OTUD7A: variants seen among roughly 807,000 people sequenced by gnomAD.
OTUD7A encodes the protein OTU deubiquitinase 7A.
A neutral mutation model predicts 65.7 loss-of-function variants in OTUD7A; 12 were observed. That is an observed-to-expected ratio of 0.18 (90% CI 0.12 to 0.30). OTUD7A has a LOEUF of 0.30. OTUD7A is among the 10% of genes least tolerant of loss of function. OTUD7A has a pLI of 1.00. For missense variants in OTUD7A, 1,148 were observed against 1,304.8 expected (o/e 0.88, Z 1.85); for synonymous variants, 641 against 586.3 (o/e 1.09, Z -1.35).
rs537632668 is a variant in OTUD7A, at chr15:31,679,021, G to T, written c.-99-21944C>A. ...TGCCCAAGGCTGTAGGAGCTCACCT[G>T]TTCCATCAGCATGACCTGGATGTGA... On this transcript the variant is annotated intron_variant, in intron 1 of 12. Transcript: ENST00000307050. Among the ~76,000 whole-genome samples, 4 of 152,362 alleles carry T rather than the reference G, an allele frequency of 2.6e-5. No homozygotes were observed. In the East Asian group the frequency reaches 7.7e-4, roughly 29 times the overall value.
intron 3 of OTUD7A, among the ~76,000 whole-genome samples, chr15:31,576,241 A>G (rs1244034038): frequency 6.6e-6 from 1 of 152,172 alleles, no homozygotes; most frequent in Non-Finnish European, 1.5e-5. Context: ...GGCAATGTAA[A>G]TTGATAGCTT....
chr15:31,617,914 G>T (rs990435129), intron 3 of OTUD7A, among the ~76,000 whole-genome samples: 2 of 151,900 alleles, frequency 1.3e-5, no homozygotes, highest in African/African-American at 4.8e-5. Context: ...ATCTCCTAAT[G>T]CTATCCCTGC....
At chr15:31,764,392 T>C (rs1358253747) in intron 1 of OTUD7A, among the ~76,000 whole-genome samples, 2 of 152,080 alleles carry the variant, frequency 1.3e-5, no homozygotes, top group African/African-American at 2.4e-5. Flanking sequence ...CATTGAGAAA[T>C]GAGAATAGTC....
chr15:31,686,215 CCT>C lies in OTUD7A; in HGVS notation c.-99-29140_-99-29139del, dbSNP rs530380106. Among the ~76,000 whole-genome samples the C allele has an allele frequency of 2.3e-4, 35 of 152,346 alleles. No individual in the cohort carries two copies. In the East Asian group the frequency reaches 4.6e-3, roughly 20 times the overall value. On this transcript the variant is annotated intron_variant, in intron 1 of 12. Coordinates refer to ENST00000307050, the MANE Select transcript of OTUD7A (RefSeq NM_001382637.1). ...TGTGGAGAAGGAGGGGTCCTTTTCC[CCT>C]GAGTGTGGCCAAGCACCTGCAAGCC...
chr15:31,694,474 A>T (rs549369070), intron 1 of OTUD7A, among the ~76,000 whole-genome samples: 2,082 of 152,070 alleles, frequency 0.014, 53 homozygotes, highest in African/African-American at 0.049. Context: ...AGTTTACTTT[A>T]TTATTATCTA....
At chr15:31,570,827 G>A (rs921972714) in intron 3 of OTUD7A, among the ~76,000 whole-genome samples, 5 of 152,056 alleles carry the variant, frequency 3.3e-5, no homozygotes, top group Admixed American at 2.0e-4. Flanking sequence ...CTGGCACTTC[G>A]CAGCACTAGG....
intron 3 of OTUD7A, among the ~76,000 whole-genome samples, chr15:31,602,544 C>G (rs1286896541): frequency 1.3e-5 from 2 of 152,216 alleles, no homozygotes; most frequent in East Asian, 3.9e-4. Context: ...AAAACCAGCA[C>G]AAGACAAGGA....
rs60320382 is a variant in OTUD7A at position 31,765,425 on chromosome 15, T to A, written c.-100+105082A>T. On this transcript the variant is annotated intron_variant, in intron 1 of 12. Coordinates refer to ENST00000307050, the MANE Select transcript of OTUD7A (RefSeq NM_001382637.1). ...TGCACATGTGCAGATAAATTTTTTT[T>A]AAAAAACAGAATTACAGTTTAATCC... 6.4e-3 allele frequency among the ~76,000 whole-genome samples: 977 copies of A among 152,122 alleles called. 12 individuals are homozygous for A. The highest frequency in any genetic ancestry group is 0.022 in the African/African-American group (921 of 41,518).
intron 3 of OTUD7A, among the ~76,000 whole-genome samples, chr15:31,642,421 T>C (rs1236158676): frequency 6.6e-6 from 1 of 152,206 alleles, no homozygotes; most frequent in Non-Finnish European, 1.5e-5. Flanking sequence ...ATGAATGAGT[T>C]GGGAAGTATA....
At chr15:31,588,618 G>A (rs1889618115) in intron 3 of OTUD7A, among the ~76,000 whole-genome samples, 2 of 152,198 alleles carry the variant, frequency 1.3e-5, no homozygotes, top group Admixed American at 1.3e-4. Flanking sequence ...AGAGCCTCCT[G>A]CCTCCCATCA....
Position 31,487,620 on chromosome 15 carries a change from A to G in OTUD7A, c.1172-54T>C. ...GGAGCCCCGGCAGTCCCCAGGCAGG[A>G]TGGCAAGGAAATTCCCAAGCCAGGT... On this transcript the variant is annotated intron_variant, in intron 10 of 12. Transcript: ENST00000307050. The surrounding 1 kb of genome is among the most constrained non-coding windows in gnomAD (Gnocchi z 6.0). 6.8e-7 allele frequency: 1 copy of G among 1,474,040 alleles called. No homozygotes were observed. Among genetic ancestry groups the G allele is most frequent in the East Asian group, 2.4e-5 (1 of 41,562 alleles). The allele number at this position is 1,474,040 out of a possible 1,614,324, so 91.3% of individuals were successfully genotyped here. A position where few individuals can be genotyped will look rare whatever the true frequency, so the allele number is the denominator to read the frequency against.
intron 3 of OTUD7A, among the ~76,000 whole-genome samples, chr15:31,612,085 T>C (rs1454318008): frequency 6.6e-6 from 1 of 152,186 alleles, no homozygotes; most frequent in East Asian, 1.9e-4. Context: ...AAAAAGCATT[T>C]GACAAATCCA....
Position 31,478,335 on chromosome 15 carries a change from A to T in OTUD7A, c.*4959T>A, listed in dbSNP as rs2041056544. On this transcript the variant is annotated 3_prime_UTR_variant, in exon 13 of 13. Coordinates refer to ENST00000307050, the MANE Select transcript of OTUD7A (RefSeq NM_001382637.1). ...AATGGTACTCTTCGCCTTATGTTAA[A>T]CTAACAAATTATGTATATATATATC... The T allele has an allele frequency of 3.4e-5, 5 of 147,080 alleles. No individual in the cohort carries two copies. Among genetic ancestry groups the T allele is most frequent in the African/African-American group, 1.2e-4 (5 of 41,206 alleles). The allele number at this position is 147,080 out of a possible 1,614,324, so 9.1% of individuals were successfully genotyped here. A position where few individuals can be genotyped will look rare whatever the true frequency, so the allele number is the denominator to read the frequency against.
intron 1 of OTUD7A, among the ~76,000 whole-genome samples, chr15:31,784,459 C>T (rs369434426): frequency 1.6e-4 from 24 of 152,112 alleles, no homozygotes; most frequent in African/African-American, 4.3e-4. Context: ...CCATCCTTTT[C>T]GTGATATTTT....
At chr15:31,834,684 A>G (rs1405668960) in intron 1 of OTUD7A, among the ~76,000 whole-genome samples, 1 of 152,224 alleles carries the variant, frequency 6.6e-6, no homozygotes, top group Non-Finnish European at 1.5e-5. Context: ...TACATGACTC[A>G]AGACAATGCT....
intron 1 of OTUD7A, among the ~76,000 whole-genome samples, chr15:31,715,418 T>C (rs1044150961): frequency 6.6e-6 from 1 of 151,692 alleles, no homozygotes; most frequent in Non-Finnish European, 1.5e-5. Context: ...AGTGCTTCCC[T>C]TCCCCCTCCT....
At chr15:31,707,900 T>C (rs1893343806) in intron 1 of OTUD7A, among the ~76,000 whole-genome samples, 3 of 152,124 alleles carry the variant, frequency 2.0e-5, no homozygotes, top group African/African-American at 7.2e-5. Flanking sequence ...TCATACTTCT[T>C]GCTTTTGGTA....
intron 1 of OTUD7A, among the ~76,000 whole-genome samples, chr15:31,729,332 C>T (rs576193679): frequency 1.3e-5 from 2 of 152,254 alleles, no homozygotes; most frequent in South Asian, 4.1e-4. Flanking sequence ...GCAAAAAAAG[C>T]ATGGGCTGTT....
At chr15:31,851,571 T>C (rs954983183) in intron 1 of OTUD7A, among the ~76,000 whole-genome samples, 4 of 152,220 alleles carry the variant, frequency 2.6e-5, no homozygotes, top group Admixed American at 6.5e-5. Context: ...CAGGATGTAG[T>C]GTTTTCCAAA....
Sources: allele counts gnomAD v4.1 joint callset (sites outside exome capture counted in the v4.1 genomes callset), GRCh38; gene constraint gnomAD v4.1.1; non-coding constraint Gnocchi (gnomAD v3.1); transcripts MANE v1.5; gene names NCBI Gene and HGNC (gene_info 2026-07-23, HGNC 2026-07-21).